TXNL1: variants seen among roughly 807,000 people sequenced by gnomAD.
TXNL1 encodes thioredoxin like 1, also known as thioredoxin-like protein 1.
Under a neutral mutation model 35.5 loss-of-function variants are expected in TXNL1, and 14 were observed. The observed-to-expected ratio is 0.39, with a 90% CI of 0.26 to 0.62. The LOEUF is 0.62. TXNL1 is among the 20% of genes least tolerant of loss of function. The pLI is 0.47. For synonymous variants in TXNL1, 110 were observed against 115.5 expected (o/e 0.95, Z 0.31); for missense variants, 263 against 349.7 (o/e 0.75, Z 1.98).
intron 1 of TXNL1, among the ~76,000 whole-genome samples, chr18:56,632,742 C>A (rs141099015): frequency 6.6e-6 from 1 of 152,224 alleles, no homozygotes; most frequent in Admixed American, 6.5e-5. Flanking sequence ...TGGGACAGTG[C>A]GAGGAGTCCG....
intron 3 of TXNL1, among the ~76,000 whole-genome samples, chr18:56,618,690 G>GAA (rs566885589): frequency 1.5e-5 from 2 of 134,194 alleles, no homozygotes; most frequent in African/African-American, 2.8e-5. Context: ...TGATTAGTTT[G>GAA]AAAAAAAAAA....
chr18:56,626,157 C>T, intron 2 of TXNL1: 1 of 1,285,108 alleles, frequency 7.8e-7, no homozygotes, highest in Non-Finnish European at 9.9e-7. Context: ...GTGATTAATA[C>T]AAACCTGAAG....
In TXNL1 at chr18:56,602,026, T is replaced by G. The variant is rs74717102; in HGVS notation, c.*1001A>C. On this transcript the variant is annotated 3_prime_UTR_variant, in exon 8 of 8. Transcript: ENST00000217515. The stretch of plus-strand genomic sequence containing the variant: ...AAGGGTAATAATTCCCTTTTTTTTT[T>G]GGAGACGGAGTTTTGCTCTTGTCGC... 1 of 152,176 alleles carries G rather than the reference T, an allele frequency of 6.6e-6. No homozygotes were observed. The highest frequency in any genetic ancestry group is 2.4e-5 in the African/African-American group (1 of 41,438). The allele number at this position is 152,176 out of a possible 1,614,324, so 9.4% of individuals were successfully genotyped here. A position where few individuals can be genotyped will look rare whatever the true frequency, so the allele number is the denominator to read the frequency against.
At chr18:56,629,959 G>T (rs181896226) in intron 1 of TXNL1, among the ~76,000 whole-genome samples, 1 of 152,276 alleles carries the variant, frequency 6.6e-6, no homozygotes, top group East Asian at 1.9e-4. Context: ...AGCACTTTGG[G>T]AGGCCAAGGC....
At chr18:56,630,282 C>A (rs541554105) in intron 1 of TXNL1, among the ~76,000 whole-genome samples, 1 of 151,342 alleles carries the variant, frequency 6.6e-6, no homozygotes, top group Admixed American at 6.6e-5. Context: ...CTGGAAGCGA[C>A]CTTGGGGAAT....
At chr18:56,626,797 C>CTTTTTTTT (rs386387792) in intron 1 of TXNL1, among the ~76,000 whole-genome samples, 1,107 of 54,988 alleles carry the variant, frequency 0.02, 242 homozygotes, top group South Asian at 0.028. Context: ...CCAAGCCGGT[C>CTTTTTTTT]TTTTTTTTTT....
At chr18:56,612,095 G>A (rs1031544607) in intron 6 of TXNL1, among the ~76,000 whole-genome samples, 3 of 143,976 alleles carry the variant, frequency 2.1e-5, no homozygotes, top group Non-Finnish European at 4.5e-5. Flanking sequence ...TCGAACTTCT[G>A]AGCTCAGGCA....
intron 3 of TXNL1, among the ~76,000 whole-genome samples, chr18:56,622,542 C>T (rs1481352550): frequency 6.6e-6 from 1 of 151,920 alleles, no homozygotes; most frequent in Non-Finnish European, 1.5e-5. Context: ...TGACACCTGA[C>T]AGAAAAAAAG....
intron 4 of TXNL1, among the ~76,000 whole-genome samples, chr18:56,617,702 T>C (rs983192290): frequency 1.3e-5 from 2 of 152,108 alleles, no homozygotes; most frequent in African/African-American, 2.4e-5. Flanking sequence ...GGGAAGAAGG[T>C]ATGGAAGTCA....
intron 7 of TXNL1, among the ~76,000 whole-genome samples, chr18:56,606,599 G>C (rs937158498): frequency 6.6e-6 from 1 of 152,108 alleles, no homozygotes; most frequent in African/African-American, 2.4e-5. Flanking sequence ...TTAGTTCAAG[G>C]CCCTCTTTCT....
At position 56,638,036 on chromosome 18, in the gene TXNL1, C is replaced by T. The variant is rs545973827; in HGVS notation, c.98+307G>A. Among the ~76,000 whole-genome samples, 3 of 152,310 alleles carry T rather than the reference C, an allele frequency of 2.0e-5. No individual in the cohort carries two copies. The South Asian group carries it at 6.2e-4, about 32-fold the overall frequency. On this transcript the variant is annotated intron_variant, in intron 1 of 7. Transcript: ENST00000217515. Reference sequence around the variant, plus strand: ...GCAAGGGTGGCTGCGGAGACTCCCACAGGCTGGAAGGAATAGGGGCGGGCC... The same window carrying T: ...GCAAGGGTGGCTGCGGAGACTCCCATAGGCTGGAAGGAATAGGGGCGGGCC...
At chr18:56,635,802 C>T (rs1471489278) in intron 1 of TXNL1, among the ~76,000 whole-genome samples, 9 of 152,164 alleles carry the variant, frequency 5.9e-5, no homozygotes, top group Admixed American at 4.6e-4. Flanking sequence ...CAGCAAGACA[C>T]TAAATCACAG....
chr18:56,616,360 T>G (rs779372457), intron 4 of TXNL1, 46 bp from the exon 5 acceptor site: 70 of 1,522,708 alleles, frequency 4.6e-5, no homozygotes, highest in Non-Finnish European at 6.0e-5. Context: ...GTACACACCT[T>G]GAGTACATAA....
chr18:56,612,903 A>C (rs1382791385), intron 6 of TXNL1, among the ~76,000 whole-genome samples: 1 of 151,586 alleles, frequency 6.6e-6, no homozygotes, highest in Non-Finnish European at 1.5e-5. Flanking sequence ...CCCAGACTGG[A>C]GTGTAATGAC....
intron 6 of TXNL1, among the ~76,000 whole-genome samples, chr18:56,613,660 A>C (rs2024033316): frequency 6.6e-6 from 1 of 151,954 alleles, no homozygotes; most frequent in South Asian, 2.1e-4. Flanking sequence ...TACAAAAATA[A>C]AAAATTAGCT....
intron 3 of TXNL1, among the ~76,000 whole-genome samples, chr18:56,619,886 T>G (rs967367636): frequency 6.6e-6 from 1 of 152,222 alleles, no homozygotes; most frequent in African/African-American, 2.4e-5. Flanking sequence ...TTTTTCTCCT[T>G]AGGTCTATTA....
At chr18:56,618,174 A>G in intron 3 of TXNL1, 48 bp from the exon 4 acceptor site, 2 of 1,561,040 alleles carry the variant, frequency 1.3e-6, no homozygotes, top group Non-Finnish European at 1.7e-6. Flanking sequence ...GATTAGGTAT[A>G]AAAATGTTTA....
intron 6 of TXNL1, among the ~76,000 whole-genome samples, chr18:56,612,210 C>A (rs903861618): frequency 6.6e-6 from 1 of 151,766 alleles, no homozygotes; most frequent in Admixed American, 6.6e-5. Context: ...TTAAGAGTTA[C>A]AATTACAATG....
At position 56,602,497 on chromosome 18, in the gene TXNL1, G is replaced by A. The variant is rs932951712; in HGVS notation, c.*530C>T. 1 of 151,940 alleles carries A rather than the reference G, an allele frequency of 6.6e-6. No homozygotes were observed. Among genetic ancestry groups the A allele is most frequent in the African/African-American group, 2.4e-5 (1 of 41,260 alleles). The allele number at this position is 151,940 out of a possible 1,614,324, so 9.4% of individuals were successfully genotyped here. On this transcript the variant is annotated 3_prime_UTR_variant, in exon 8 of 8. Transcript: ENST00000217515. ...TGTGGACCCATTAGCTAAGTTTTAG[G>A]TAAGAGTAGCTAAATCTCATTAAAC...
Sources: gnomAD v4.1 joint callset for allele counts (sites outside exome capture counted in the v4.1 genomes callset) on GRCh38, gnomAD v4.1.1 for gene constraint, MANE v1.5 for transcripts, NCBI Gene and HGNC (gene_info 2026-07-23, HGNC 2026-07-21) for gene names.